Variants in PPP2R5C observed in about 807,000 individuals in gnomAD.
PPP2R5C encodes the protein protein phosphatase 2 regulatory subunit B'gamma.
PPP2R5C carries 7 observed loss-of-function variants against 68.9 expected under a neutral mutation model. That is an observed-to-expected ratio of 0.10 (90% CI 0.06 to 0.19). PPP2R5C has a LOEUF of 0.19. Ranked by LOEUF, PPP2R5C falls within the 10% of genes least tolerant of loss-of-function variation. PPP2R5C has a pLI of 1.00. For synonymous variants in PPP2R5C, 210 were observed against 222.2 expected (o/e 0.95, Z 0.49); for missense variants, 348 against 641.3 (o/e 0.54, Z 4.94).
At chr14:101,842,141 C>A (rs2041514007) in intron 1 of PPP2R5C, among the ~76,000 whole-genome samples, 1 of 152,180 alleles carries the variant, frequency 6.6e-6, no homozygotes, top group Non-Finnish European at 1.5e-5. Flanking sequence ...GAATGTTACT[C>A]ATTTCCATGA....
intron 2 of PPP2R5C, among the ~76,000 whole-genome samples, chr14:101,861,703 C>T (rs996130757): frequency 1.3e-5 from 2 of 152,192 alleles, no homozygotes; most frequent in African/African-American, 4.8e-5. Context: ...GGAGGGAGAG[C>T]GCTTGTGGGA....
rs2043987914 is a variant in PPP2R5C, at chr14:101,879,178, C to CA, written c.295-2983_295-2982insA. On this transcript the variant is annotated intron_variant, in intron 2 of 13. Coordinates refer to ENST00000334743, the Ensembl canonical transcript of PPP2R5C. This position sits in a 1 kb window ranked among gnomAD's most constrained non-coding sequence, Gnocchi z 4.2. ...CGAGCCCCTCTTGCCCGCCCTCCCCCGGGGCTTTGAGCAGAACCCAGAGCA... is the reference window on the plus strand; with the variant it reads ...CGAGCCCCTCTTGCCCGCCCTCCCCCAGGGGCTTTGAGCAGAACCCAGAGCA... 2 of 143,850 alleles carry CA rather than the reference C, an allele frequency of 1.4e-5. No individual in the cohort carries two copies. The highest frequency in any genetic ancestry group is 3.1e-5 in the Non-Finnish European group (2 of 64,870). The allele number at this position is 143,850 out of a possible 1,614,324, so 8.9% of individuals were successfully genotyped here. A position where few individuals can be genotyped will look rare whatever the true frequency, so the allele number is the denominator to read the frequency against.
At chr14:101,815,179 G>T (rs1309915827) in intron 1 of PPP2R5C, among the ~76,000 whole-genome samples, 1 of 152,158 alleles carries the variant, frequency 6.6e-6, no homozygotes, top group Admixed American at 6.5e-5. Context: ...GGAGAAAAAA[G>T]GGAGCCTCTT....
At chr14:101,804,299 A>C (rs1346608701) in intron 3 of PPP2R5C, among the ~76,000 whole-genome samples, 1 of 152,220 alleles carries the variant, frequency 6.6e-6, no homozygotes, top group Non-Finnish European at 1.5e-5. Context: ...AACCACTATA[A>C]AGAACAGTTT....
chr14:101,883,981 G>A (rs1454859767), intron 5 of PPP2R5C, among the ~76,000 whole-genome samples: 11 of 152,316 alleles, frequency 7.2e-5, no homozygotes, highest in Middle Eastern at 3.4e-3. Context: ...TGACTCACAC[G>A]ATCACAAGGT....
At chr14:101,768,970 G>T (rs539520369) in intron 2 of PPP2R5C, among the ~76,000 whole-genome samples, 1 of 151,896 alleles carries the variant, frequency 6.6e-6, no homozygotes, top group African/African-American at 2.4e-5. Context: ...GACTACAGGC[G>T]CCCGCCACCA....
At chr14:101,855,501 C>T (rs771728276) in intron 1 of PPP2R5C, among the ~76,000 whole-genome samples, 3 of 152,170 alleles carry the variant, frequency 2.0e-5, no homozygotes, top group Non-Finnish European at 4.4e-5. Context: ...CAGTAAAAGC[C>T]GTCTGTAAAT....
At chr14:101,762,858 T>G (rs1008310454) in intron 1 of PPP2R5C, 47 bp from the exon 2 acceptor site, 3 of 1,483,978 alleles carry the variant, frequency 2.0e-6, no homozygotes. Flanking sequence ...GATGTTTACC[T>G]GTCTAAAAAG....
chr14:101,867,748 AG>A (rs2043170801), intron 2 of PPP2R5C, among the ~76,000 whole-genome samples: 1 of 152,198 alleles, frequency 6.6e-6, no homozygotes, highest in Non-Finnish European at 1.5e-5. Flanking sequence ...ACTGCACTCC[AG>A]CCTGAGCGAC....
intron 1 of PPP2R5C, among the ~76,000 whole-genome samples, chr14:101,817,407 G>A (rs2039789029): frequency 1.3e-5 from 2 of 152,210 alleles, no homozygotes; most frequent in African/African-American, 4.8e-5. Flanking sequence ...GCCATGAGCA[G>A]TGGCCTTTCA....
At position 101,925,072 on chromosome 14, in the gene PPP2R5C, A is replaced by G; in HGVS notation, c.1444-69A>G. On this transcript the variant is annotated intron_variant, in intron 13 of 13. Transcript: ENST00000334743. ...GCCTCGCGGTTATCCTTTGACTTCC[A>G]CCTCAGAAGTAAGCTTGCTTTTCAG... 12 of 1,562,020 alleles carry G rather than the reference A, an allele frequency of 7.7e-6. No homozygotes were observed. The South Asian group carries it at 1.2e-4, about 16-fold the overall frequency.
intron 1 of PPP2R5C, among the ~76,000 whole-genome samples, chr14:101,817,234 G>A (rs2039776661): frequency 1.3e-5 from 2 of 152,182 alleles, no homozygotes; most frequent in East Asian, 3.9e-4. Context: ...GGGATTACAG[G>A]CGTGAGCCAC....
rs2046746286 is a variant in PPP2R5C at position 101,917,511 on chromosome 14, C to T, written c.1327-320C>T. 1.3e-5 allele frequency among the ~76,000 whole-genome samples: 2 copies of T among 151,918 alleles called. No homozygotes were observed. Among genetic ancestry groups the T allele is most frequent in the South Asian group, 4.2e-4 (2 of 4,800 alleles). On this transcript the variant is annotated intron_variant, in intron 12 of 13. Coordinates refer to ENST00000334743, the Ensembl canonical transcript of PPP2R5C. This position sits in a 1 kb window ranked among gnomAD's most constrained non-coding sequence, Gnocchi z 4.4. ...TCCCACCACCGAGCCCAGGGTGCGA[C>T]CTCGCACTTGGCTGCTCACGTGGAG...
chr14:101,896,441 T>C (rs2045329989), intron 8 of PPP2R5C, among the ~76,000 whole-genome samples: 1 of 152,062 alleles, frequency 6.6e-6, no homozygotes, highest in Non-Finnish European at 1.5e-5. Context: ...CCAAAATCTG[T>C]ATATCTTCTT....
chr14:101,860,884 T>TA (rs1322760884), intron 2 of PPP2R5C, among the ~76,000 whole-genome samples: 1 of 152,206 alleles, frequency 6.6e-6, no homozygotes, highest in African/African-American at 2.4e-5. Flanking sequence ...CTTTTCCAGA[T>TA]AAAAAGGCTT....
At chr14:101,761,087 G>GAGGGA (rs1481327255), upstream of PPP2R5C, among the ~76,000 whole-genome samples, 1 of 140,794 alleles carries the variant, frequency 7.1e-6, no homozygotes, top group African/African-American at 2.6e-5. Flanking sequence ...AAGGGGAGGG[G>GAGGGA]AGGGAAGGGA....
At chr14:101,847,783 C>T (rs2041925548) in intron 1 of PPP2R5C, among the ~76,000 whole-genome samples, 1 of 151,868 alleles carries the variant, frequency 6.6e-6, no homozygotes, top group African/African-American at 2.4e-5. Context: ...CTGCCTCAGC[C>T]TCCCGAGTAA....
intron 2 of PPP2R5C, among the ~76,000 whole-genome samples, chr14:101,783,504 C>T (rs1161688115): frequency 6.6e-6 from 1 of 151,578 alleles, no homozygotes; most frequent in Non-Finnish European, 1.5e-5. Context: ...CAGACTGGCT[C>T]CTCTCTCTGG....
At chr14:101,918,913 CTT>C (rs905716846) in intron 13 of PPP2R5C, among the ~76,000 whole-genome samples, 11 of 151,804 alleles carry the variant, frequency 7.2e-5, no homozygotes, top group African/African-American at 2.7e-4. Context: ...ACTTTAACCT[CTT>C]TTTGACCAGC....
Sources: gnomAD v4.1 joint callset for allele counts (sites outside exome capture counted in the v4.1 genomes callset) on GRCh38, gnomAD v4.1.1 for gene constraint, Gnocchi (gnomAD v3.1) non-coding constraint, MANE v1.5 for transcripts, NCBI Gene and HGNC (gene_info 2026-07-23, HGNC 2026-07-21) for gene names.